The following CFAP61 variants were observed in gnomAD, a reference collection of about 807,000 sequenced individuals.
CFAP61 encodes cilia- and flagella-associated protein 61.
In CFAP61, 107 loss-of-function variants were observed where a neutral mutation model predicts 135.6. The observed-to-expected ratio is 0.79, with a 90% CI of 0.67 to 0.93. The LOEUF (loss-of-function observed/expected upper bound fraction) is 0.93. Among genes scored for constraint, CFAP61 ranks in the 40% least tolerant of loss-of-function variants. The pLI is 0.00. For synonymous variants in CFAP61, 575 were observed against 578.5 expected, an observed-to-expected ratio of 0.99 and a Z score of 0.09; for missense variants, 1,507 against 1,556.2, an observed-to-expected ratio of 0.97 and a Z score of 0.53.
chr20:20,125,931 T>C (rs1761850454), intron 8 of CFAP61, among the ~76,000 whole-genome samples: 1 of 151,830 alleles, frequency 6.6e-6, no homozygotes, highest in Non-Finnish European at 1.5e-5. Flanking sequence ...TTGTGATATC[T>C]TCCTGCTGGA....
intron 22 of CFAP61, among the ~76,000 whole-genome samples, chr20:20,282,763 A>AC (rs1422992206): frequency 2.0e-5 from 3 of 151,976 alleles, no homozygotes; most frequent in African/African-American, 7.3e-5. Flanking sequence ...ACATGGTGAA[A>AC]CCCTGTCTCC....
chr20:20,086,993 A>C (rs1600542867), intron 6 of CFAP61, among the ~76,000 whole-genome samples: 1 of 152,110 alleles, frequency 6.6e-6, no homozygotes, highest in Non-Finnish European at 1.5e-5. Flanking sequence ...GGAAGGAGGG[A>C]AGATGGTGAA....
intron 1 of CFAP61, 109 bp downstream of exon 1, chr20:20,052,700 T>A (rs1312577168): frequency 5.0e-6 from 8 of 1,611,714 alleles, no homozygotes; most frequent in Non-Finnish European, 6.8e-6. Context: ...CGAGGACGAG[T>A]GGCTCTGTCG....
intron 8 of CFAP61, among the ~76,000 whole-genome samples, chr20:20,107,982 GAA>G (rs1334962172): frequency 1.3e-5 from 2 of 152,074 alleles, no homozygotes; most frequent in Non-Finnish European, 2.9e-5. Context: ...AAAATAAAGA[GAA>G]AAGCAAATCA....
intron 25 of CFAP61, among the ~76,000 whole-genome samples, chr20:20,325,867 T>G (rs538040666): frequency 6.6e-6 from 1 of 152,360 alleles, no homozygotes; most frequent in Non-Finnish European, 1.5e-5. Flanking sequence ...CACATCCATG[T>G]CAGCATTTGG....
At chr20:20,199,951 G>T in intron 17 of CFAP61, 49 bp downstream of exon 17, 1 of 1,602,750 alleles carries the variant, frequency 6.2e-7, no homozygotes. Flanking sequence ...GCTCCCGCGG[G>T]CCTGGCAGAT....
intron 18 of CFAP61, among the ~76,000 whole-genome samples, chr20:20,228,796 A>C (rs186776191): frequency 1.1e-3 from 161 of 152,292 alleles, no homozygotes; most frequent in African/African-American, 3.8e-3. Flanking sequence ...TGTTTTCCTT[A>C]CTGGCCCGAT....
At chr20:20,210,606 G>A (rs1430601178) in intron 17 of CFAP61, among the ~76,000 whole-genome samples, 1 of 152,176 alleles carries the variant, frequency 6.6e-6, no homozygotes, top group Non-Finnish European at 1.5e-5. Context: ...CCACTAGGAT[G>A]ACAGCAGCGA....
intron 26 of CFAP61, among the ~76,000 whole-genome samples, chr20:20,353,743 C>G (rs908863259): frequency 6.6e-6 from 1 of 152,164 alleles, no homozygotes; most frequent in African/African-American, 2.4e-5. Flanking sequence ...AAAGGATCAA[C>G]CTCATGAATC....
At chr20:20,155,590 C>T (rs1601023684) in intron 9 of CFAP61, among the ~76,000 whole-genome samples, 2 of 152,122 alleles carry the variant, frequency 1.3e-5, no homozygotes, top group South Asian at 2.1e-4. Flanking sequence ...CAAATAATCC[C>T]ATCAAAAAGT....
At chr20:20,185,674 A>G (rs1001370308) in intron 13 of CFAP61, among the ~76,000 whole-genome samples, 1 of 152,190 alleles carries the variant, frequency 6.6e-6, no homozygotes, top group Non-Finnish European at 1.5e-5. Context: ...GTTTATCCAT[A>G]TCTTCCACAG....
intron 7 of CFAP61, among the ~76,000 whole-genome samples, chr20:20,097,096 A>AT (rs3060424): frequency 2.4e-4 from 36 of 147,404 alleles, no homozygotes; most frequent in African/African-American, 8.7e-4. Flanking sequence ...TTTAATACCT[A>AT]TTTTTTTTTT....
rs536825477 is a variant in CFAP61, at chr20:20,148,583, G to C, written c.951+5635G>C. ...AGTTCTCTATTTGATTCTCAGCTTG[G>C]TCATTGTTGGTATATTGTAGTGCTA... On this transcript the variant is annotated intron_variant, in intron 9 of 26. Transcript: ENST00000245957. 5.3e-5 allele frequency among the ~76,000 whole-genome samples: 8 copies of C among 152,202 alleles called. No individual in the cohort carries two copies. In the South Asian group the frequency reaches 1.7e-3, roughly 32 times the overall value.
At chr20:20,224,156 A>C (rs2048576738) in intron 17 of CFAP61, among the ~76,000 whole-genome samples, 1 of 152,202 alleles carries the variant, frequency 6.6e-6, no homozygotes, top group South Asian at 2.1e-4. Flanking sequence ...CAGGCAACCA[A>C]ATAAATGGAT....
intron 26 of CFAP61, among the ~76,000 whole-genome samples, chr20:20,357,709 T>C (rs376228109): frequency 0.041 from 44 of 1,066 alleles, no homozygotes; most frequent in Non-Finnish European, 0.068. Flanking sequence ...GAGGTGGTCA[T>C]AGTGTGAGGG....
intron 25 of CFAP61, chr20:20,323,295 A>C: frequency 1.0e-6 from 1 of 985,414 alleles, no homozygotes; most frequent in Non-Finnish European, 1.2e-6. Flanking sequence ...AACAACCCTA[A>C]ATTTTCAGGC....
At chr20:20,350,041 A>G (rs1198686826) in intron 26 of CFAP61, among the ~76,000 whole-genome samples, 2 of 152,254 alleles carry the variant, frequency 1.3e-5, no homozygotes, top group Non-Finnish European at 2.9e-5. Flanking sequence ...ATATAGATCA[A>G]TGGACTAAAA....
intron 21 of CFAP61, among the ~76,000 whole-genome samples, chr20:20,270,856 G>A (rs375691828): frequency 1.3e-5 from 2 of 152,184 alleles, no homozygotes; most frequent in African/African-American, 4.8e-5. Flanking sequence ...GTTTTTAGTA[G>A]AGATGGGGTT....
At chr20:20,236,438 T>C (rs2049598752) in intron 18 of CFAP61, among the ~76,000 whole-genome samples, 1 of 152,226 alleles carries the variant, frequency 6.6e-6, no homozygotes, top group South Asian at 2.1e-4. Context: ...CTCATTTTTA[T>C]GGGCTTGTTT....
Sources: gnomAD v4.1 joint callset for allele counts (sites outside exome capture counted in the v4.1 genomes callset) on GRCh38, gnomAD v4.1.1 for gene constraint, MANE v1.5 for transcripts, NCBI Gene and HGNC (gene_info 2026-07-23, HGNC 2026-07-21) for gene names.